BLTP1: variants seen among roughly 807,000 people sequenced by gnomAD.
BLTP1 encodes bridge-like lipid transfer protein family member 1.
At chr4:122,348,475 C>T in the BLTP1 span, 10 of 1,032,910 alleles carry the variant, frequency 9.7e-6, no homozygotes, top group East Asian at 1.6e-4. Context: ...TATATTTTTA[C>T]TTTTTGGATT....
the BLTP1 span, among the ~76,000 whole-genome samples, chr4:122,206,900 C>G: frequency 9.9e-5 from 15 of 151,442 alleles, no homozygotes; most frequent in Admixed American, 5.9e-4. Context: ...TAAAATTTCT[C>G]TTATTTGGAA....
the BLTP1 span, among the ~76,000 whole-genome samples, chr4:122,194,302 C>T: frequency 2.0e-5 from 3 of 152,050 alleles, no homozygotes; most frequent in African/African-American, 4.8e-5. Flanking sequence ...TGAATAAGCT[C>T]GTTATTTGAA....
At chr4:122,276,916 G>A in the BLTP1 span, 6 of 985,268 alleles carry the variant, frequency 6.1e-6, no homozygotes, top group African/African-American at 8.7e-5. Flanking sequence ...TAAATGTGAT[G>A]AACTGGTTCT....
chr4:122,203,293 A>C, the BLTP1 span, among the ~76,000 whole-genome samples: 1 of 151,942 alleles, frequency 6.6e-6, no homozygotes, highest in Admixed American at 6.6e-5. Context: ...TGATAAATAT[A>C]ATATAGAGCC....
chr4:122,297,148 A>T, the BLTP1 span, among the ~76,000 whole-genome samples: 10 of 152,080 alleles, frequency 6.6e-5, no homozygotes, highest in Non-Finnish European at 1.5e-4. Context: ...AATGGGGAAA[A>T]TTTTTTTAAA....
At chr4:122,230,493 T>A in the BLTP1 span, among the ~76,000 whole-genome samples, 8 of 152,150 alleles carry the variant, frequency 5.3e-5, no homozygotes, top group Non-Finnish European at 1.0e-4. Flanking sequence ...TAAGTTATGG[T>A]CCCCAAATAA....
the BLTP1 span, chr4:122,227,041 AAAG>A: frequency 2.1e-3 from 1,177 of 549,224 alleles, 11 homozygotes; most frequent in African/African-American, 0.022. Context: ...ACAAATTAAA[AAAG>A]AAACAGAATT....
the BLTP1 span, among the ~76,000 whole-genome samples, chr4:122,300,690 T>G: frequency 6.6e-6 from 1 of 152,194 alleles, no homozygotes. Context: ...GTTATTTTGA[T>G]AATATCTGTG....
At chr4:122,189,009 G>A in the BLTP1 span, 5 of 984,808 alleles carry the variant, frequency 5.1e-6, no homozygotes, top group Non-Finnish European at 6.0e-6. Flanking sequence ...TCATGGACTT[G>A]GTTAAGAATC....
the BLTP1 span, among the ~76,000 whole-genome samples, chr4:122,311,870 A>G: frequency 2.0e-4 from 31 of 152,176 alleles, no homozygotes; most frequent in African/African-American, 7.2e-4. Context: ...CCAAGTCATC[A>G]TTCTGTCTGT....
the BLTP1 span, chr4:122,262,975 C>G: frequency 6.2e-7 from 1 of 1,613,522 alleles, no homozygotes; most frequent in Non-Finnish European, 8.5e-7. Context: ...AGCTCCCTAA[C>G]GAGAACAGGT....
the BLTP1 span, chr4:122,349,685 T>TAA: frequency 9.6e-6 from 15 of 1,565,986 alleles, no homozygotes; most frequent in Non-Finnish European, 5.2e-6. This position sits in a 1 kb window ranked among gnomAD's most constrained non-coding sequence, Gnocchi z 4.5. Context: ...ACATGACTGT[T>TAA]CTCAACATAT....
At chr4:122,220,092 A>G in the BLTP1 span, among the ~76,000 whole-genome samples, 1 of 152,174 alleles carries the variant, frequency 6.6e-6, no homozygotes, top group Non-Finnish European at 1.5e-5. Context: ...ACTTTGGTGC[A>G]GGGCCAGATG....
the BLTP1 span, among the ~76,000 whole-genome samples, chr4:122,202,209 G>T: frequency 1.2e-4 from 18 of 152,182 alleles, no homozygotes; most frequent in Non-Finnish European, 2.1e-4. Flanking sequence ...CAATGTCCCA[G>T]TAGTAGAAAT....
chr4:122,306,048 A>G, the BLTP1 span: 1 of 1,600,556 alleles, frequency 6.2e-7, no homozygotes, highest in Non-Finnish European at 8.5e-7. Context: ...TGATAGAGGT[A>G]AGATAAAGTC....
the BLTP1 span, chr4:122,238,327 A>G: frequency 2.5e-6 from 4 of 1,614,074 alleles, no homozygotes; most frequent in Non-Finnish European, 3.4e-6. Context: ...TGCATGGGAC[A>G]AAAAGAGATG....
At chr4:122,308,296 A>G in the BLTP1 span, 111 of 948,640 alleles carry the variant, frequency 1.2e-4, no homozygotes, top group African/African-American at 1.7e-3. Flanking sequence ...AGTAAGATTG[A>G]ATTCCTTCAA....
the BLTP1 span, among the ~76,000 whole-genome samples, chr4:122,330,463 A>G: frequency 6.6e-6 from 1 of 151,848 alleles, no homozygotes; most frequent in South Asian, 2.1e-4. Flanking sequence ...TTTGGTTTGC[A>G]TTTCCTTGAT....
chr4:122,247,229 C>A, the BLTP1 span: 2 of 1,613,284 alleles, frequency 1.2e-6, no homozygotes, highest in Non-Finnish European at 1.7e-6. Flanking sequence ...TATGTTCATG[C>A]CACAAAGATG....
Sources: gnomAD v4.1 joint callset for allele counts (sites outside exome capture counted in the v4.1 genomes callset) on GRCh38, gnomAD v4.1.1 for gene constraint, Gnocchi (gnomAD v3.1) non-coding constraint, MANE v1.5 for transcripts, NCBI Gene and HGNC (gene_info 2026-07-23, HGNC 2026-07-21) for gene names.